Variants in NCAM1 observed in about 807,000 individuals in gnomAD.
NCAM1 encodes the protein antigen recognized by monoclonal antibody 5.1H11.
In NCAM1, 14 loss-of-function variants were observed where a neutral mutation model predicts 109.8. That is an observed-to-expected ratio of 0.13 (90% CI 0.08 to 0.20). The LOEUF is 0.20. NCAM1 is among the 10% of genes least tolerant of loss of function. The probability of loss-of-function intolerance (pLI) is 1.00; values close to 1 mark genes in which losing one functional copy is unlikely to be tolerated. For missense variants in NCAM1, 774 were observed against 1,109.9 expected, an observed-to-expected ratio of 0.70 and a Z score of 4.30; for synonymous variants, 418 against 442.9, an observed-to-expected ratio of 0.94 and a Z score of 0.70.
intron 17 of NCAM1, chr11:113,264,384 C>T (rs1026178547): frequency 1.1e-4 from 110 of 985,290 alleles, no homozygotes; most frequent in Non-Finnish European, 1.3e-4. Flanking sequence ...TAGAGGCTCA[C>T]GTGCAGACAT....
chr11:113,097,638 A>G (rs1415518306), intron 1 of NCAM1, among the ~76,000 whole-genome samples: 2 of 146,818 alleles, frequency 1.4e-5, no homozygotes, highest in African/African-American at 5.0e-5. Context: ...CTTTGTTCTT[A>G]AGGTTAGTAG....
intron 1 of NCAM1, among the ~76,000 whole-genome samples, chr11:112,974,311 G>A (rs56049549): frequency 0.16 from 23,579 of 151,844 alleles, 1,956 homozygotes; most frequent in African/African-American, 0.21. Context: ...TATGTTTGCT[G>A]TTGTATCTCC....
chr11:112,988,449 A>AT (rs1479928714), intron 1 of NCAM1, among the ~76,000 whole-genome samples: 5 of 151,716 alleles, frequency 3.3e-5, no homozygotes, highest in East Asian at 3.9e-4. Context: ...ACCCTTTAGC[A>AT]TTTTTTTTGT....
chr11:113,117,201 T>C (rs1219700325), intron 1 of NCAM1, among the ~76,000 whole-genome samples: 1 of 152,000 alleles, frequency 6.6e-6, no homozygotes, highest in African/African-American at 2.4e-5. Context: ...CAGCAAAAAC[T>C]GTTATGAGGG....
At chr11:113,268,466 C>A (rs1217804152) in intron 17 of NCAM1, among the ~76,000 whole-genome samples, 4 of 152,180 alleles carry the variant, frequency 2.6e-5, no homozygotes, top group African/African-American at 4.8e-5. Context: ...GGCTGGGAGG[C>A]AAGCCAAGGT....
In NCAM1 at chr11:112,961,643, T is replaced by C; in HGVS notation, c.31T>C (p.Leu11=). The C allele has an allele frequency of 1.3e-6, 2 of 1,500,562 alleles. No homozygotes were observed. The highest frequency in any genetic ancestry group is 1.4e-5 in the African/African-American group (1 of 72,394). The allele number at this position is 1,500,562 out of a possible 1,614,324, so 93.0% of individuals were successfully genotyped here. ...GCAAACTAAGGATCTCATCTGGACT[T>C]TGTTTTTCCTGGGAACTGCAGGTAC... The part of the protein sequence containing the change: MLQTKDLIWT[L]FFLGTAVSLQ... Residue 11 remains leucine, a synonymous_variant, in exon 1 of 20, where the codon TTG becomes CTG. Coordinates refer to ENST00000316851, the MANE Select transcript of NCAM1 (RefSeq NM_181351.5).
At chr11:113,266,469 G>A (rs1252369833) in intron 17 of NCAM1, among the ~76,000 whole-genome samples, 3 of 152,106 alleles carry the variant, frequency 2.0e-5, no homozygotes, top group Non-Finnish European at 4.4e-5. Flanking sequence ...TGTTTTCAGG[G>A]TCACTGGGTG....
intron 1 of NCAM1, among the ~76,000 whole-genome samples, chr11:112,994,669 A>G (rs957854070): frequency 6.6e-6 from 1 of 152,122 alleles, no homozygotes; most frequent in Non-Finnish European, 1.5e-5. Flanking sequence ...GTCAGCCCCT[A>G]CTTCATGCTT....
At chr11:113,075,291 G>T (rs1252029337) in intron 1 of NCAM1, among the ~76,000 whole-genome samples, 1 of 152,030 alleles carries the variant, frequency 6.6e-6, no homozygotes, top group Non-Finnish European at 1.5e-5. Context: ...GCTGGTCTCG[G>T]GCTCCTGGGC....
At position 113,237,886 on chromosome 11, in the gene NCAM1, A is replaced by G. The variant is rs1225114365; in HGVS notation, c.1825+2722A>G. Among the ~76,000 whole-genome samples, 10 of 33,784 alleles carry G rather than the reference A, an allele frequency of 3.0e-4. 1 individual carries two copies. In the South Asian group the frequency reaches 0.019, roughly 63 times the overall value. 22.2% of individuals were successfully genotyped at this position (33,784 alleles called of 152,430 possible). On this transcript the variant is annotated intron_variant, in intron 14 of 19. Coordinates refer to ENST00000316851, the MANE Select transcript of NCAM1 (RefSeq NM_181351.5). ...TATAGATATATAGATATATATAGAT[A>G]TATAGATATAGATATATAGATATAT...
At chr11:113,060,297 T>A (rs1213045068) in intron 1 of NCAM1, among the ~76,000 whole-genome samples, 1 of 152,218 alleles carries the variant, frequency 6.6e-6, no homozygotes, top group African/African-American at 2.4e-5. Flanking sequence ...TGCCTGTTTT[T>A]TGGCAGTGAT....
At chr11:112,998,973 C>G (rs1351392430) in intron 1 of NCAM1, among the ~76,000 whole-genome samples, 2 of 151,996 alleles carry the variant, frequency 1.3e-5, no homozygotes, top group Non-Finnish European at 2.9e-5. Context: ...ATGGACTGAG[C>G]CAAAAATAAA....
chr11:113,053,858 G>A (rs1387319709), intron 1 of NCAM1, among the ~76,000 whole-genome samples: 1 of 152,136 alleles, frequency 6.6e-6, no homozygotes, highest in African/African-American at 2.4e-5. Flanking sequence ...ATGTCCCTAT[G>A]TTACTGAGAG....
intron 1 of NCAM1, among the ~76,000 whole-genome samples, chr11:113,174,430 G>A (rs185726324): frequency 1.1e-4 from 17 of 152,250 alleles, no homozygotes; most frequent in African/African-American, 4.1e-4. Flanking sequence ...AAATAAATTG[G>A]CGAGGTTTTA....
intron 6 of NCAM1, 151 bp from the exon 7 acceptor site, chr11:113,207,682 A>G: frequency 2.5e-6 from 2 of 790,898 alleles, no homozygotes; most frequent in East Asian, 5.4e-5. Flanking sequence ...TAAGAGGTGT[A>G]TGTGGACGTT....
At position 113,010,635 on chromosome 11, in the gene NCAM1, T is replaced by C. The variant is rs1952022320; in HGVS notation, c.52+48971T>C. Among the ~76,000 whole-genome samples, 3 of 152,202 alleles carry C rather than the reference T, an allele frequency of 2.0e-5. No individual in the cohort carries two copies. The South Asian group carries it at 6.2e-4, about 32-fold the overall frequency. ...ACTTTTTTGAGATTGAAAGACCTGC[T>C]CTCTATTTTTCTTTTATGCTATACT... On this transcript the variant is annotated intron_variant, in intron 1 of 19. Coordinates refer to ENST00000316851, the MANE Select transcript of NCAM1 (RefSeq NM_181351.5).
At chr11:113,264,881 C>T (rs782045694) in intron 17 of NCAM1, 46 of 985,650 alleles carry the variant, frequency 4.7e-5, no homozygotes, top group South Asian at 3.3e-4. Context: ...CCACTCCCCA[C>T]GGACACTGAG....
chr11:113,220,786 T>G (rs1002612422), intron 8 of NCAM1, among the ~76,000 whole-genome samples: 3 of 151,840 alleles, frequency 2.0e-5, no homozygotes, highest in Non-Finnish European at 4.4e-5. Flanking sequence ...TTGTGTATTT[T>G]TTTTAGTAGA....
intron 1 of NCAM1, among the ~76,000 whole-genome samples, chr11:113,172,063 G>A (rs1238190385): frequency 6.6e-6 from 1 of 152,158 alleles, no homozygotes; most frequent in African/African-American, 2.4e-5. Flanking sequence ...CCTTCTGAGG[G>A]AGCATAACCC....
Sources: gnomAD v4.1 joint callset for allele counts (sites outside exome capture counted in the v4.1 genomes callset) on GRCh38, gnomAD v4.1.1 for gene constraint, MANE v1.5 for transcripts, NCBI Gene and HGNC (gene_info 2026-07-23, HGNC 2026-07-21) for gene names.